The following ASTN2 variants were observed in gnomAD, a reference collection of about 807,000 sequenced individuals.
The protein encoded by ASTN2 is astrotactin-2.
Under a neutral mutation model 139.8 loss-of-function variants are expected in ASTN2, and 54 were observed. The observed-to-expected ratio is 0.39, with a 90% CI of 0.31 to 0.48. The LOEUF (loss-of-function observed/expected upper bound fraction) is 0.48, where lower values mean the gene tolerates loss of function less well. Among genes scored for constraint, ASTN2 ranks in the 20% least tolerant of loss-of-function variants. The probability of loss-of-function intolerance (pLI) is 0.95; values close to 1 mark genes in which losing one functional copy is unlikely to be tolerated. For synonymous variants in ASTN2, 756 were observed against 719.5 expected (o/e 1.05, Z -0.81); for missense variants, 1,565 against 1,725.1 (o/e 0.91, Z 1.64).
chr9:116,932,760 C>G (rs1834938704), intron 10 of ASTN2, among the ~76,000 whole-genome samples: 1 of 152,012 alleles, frequency 6.6e-6, no homozygotes, highest in African/African-American at 2.4e-5. Flanking sequence ...ACTTCCAGCA[C>G]TTTGAGAGGC....
intron 5 of ASTN2, among the ~76,000 whole-genome samples, chr9:117,086,964 G>A (rs897859471): frequency 6.6e-6 from 1 of 152,138 alleles, no homozygotes; most frequent in Non-Finnish European, 1.5e-5. Flanking sequence ...CTTAGAGGCT[G>A]ATAGAATACT....
chr9:116,490,732 T>C (rs1849494504), intron 19 of ASTN2, among the ~76,000 whole-genome samples: 1 of 152,092 alleles, frequency 6.6e-6, no homozygotes, highest in Non-Finnish European at 1.5e-5. Context: ...AGAGCTCACT[T>C]ACTATCACGA....
In ASTN2 at chr9:116,725,783, G is replaced by A. The variant is rs763543905; in HGVS notation, c.2794C>T (p.Gln932Ter). 1 of 1,613,376 alleles carries A rather than the reference G, an allele frequency of 6.2e-7. No homozygotes were observed. The highest frequency in any genetic ancestry group is 8.5e-7 in the Non-Finnish European group (1 of 1,179,928). The change falls in exon 16 of 23, where the codon CAG becomes TAG. Residue 932 changes from glutamine (Q) to a stop codon, truncating the protein, a stop_gained. Coordinates refer to ENST00000313400, the MANE Select transcript of ASTN2 (RefSeq NM_001365068.1). LOFTEE classifies it high-confidence loss of function. ...SKKVQQQLWL[Q>*]YQKETTELGS... The stretch of plus-strand genomic sequence containing the variant: ...ACTCCGGGCTTACCTTTCTGATACT[G>A]GAGCCACAGCTGCTGCTGGACCTTC...
intron 6 of ASTN2, among the ~76,000 whole-genome samples, chr9:117,031,292 C>T (rs925826388): frequency 3.9e-5 from 6 of 152,144 alleles, no homozygotes; most frequent in East Asian, 1.9e-4. Context: ...TCGGTCCTCC[C>T]TTACTTCGTT....
intron 19 of ASTN2, among the ~76,000 whole-genome samples, chr9:116,524,774 C>G (rs746977259): frequency 8.5e-5 from 13 of 152,184 alleles, no homozygotes; most frequent in Non-Finnish European, 1.6e-4. Flanking sequence ...CATTCCTTCT[C>G]AGGGTTACAT....
At chr9:116,855,805 A>G (rs1336283083) in intron 11 of ASTN2, among the ~76,000 whole-genome samples, 1 of 152,170 alleles carries the variant, frequency 6.6e-6, no homozygotes, top group Non-Finnish European at 1.5e-5. Flanking sequence ...TGGGAGTAAT[A>G]ATAATGCTTT....
At chr9:116,766,511 A>G (rs2132176588) in intron 13 of ASTN2, among the ~76,000 whole-genome samples, 1 of 152,020 alleles carries the variant, frequency 6.6e-6, no homozygotes, top group East Asian at 1.9e-4. Context: ...ACAGTAACAT[A>G]CACATAAATG....
At chr9:117,019,942 T>C (rs1274249176) in intron 6 of ASTN2, among the ~76,000 whole-genome samples, 6 of 151,630 alleles carry the variant, frequency 4.0e-5, no homozygotes, top group Non-Finnish European at 5.9e-5. Flanking sequence ...TGCCCGAAAA[T>C]AGATAAAGTA....
chr9:116,795,965 G>A (rs529789546), intron 13 of ASTN2, among the ~76,000 whole-genome samples: 14 of 152,320 alleles, frequency 9.2e-5, no homozygotes, highest in African/African-American at 2.2e-4. Context: ...TTTGGACCCT[G>A]TTAGTTTTTA....
At chr9:116,893,371 T>A (rs1041343357) in intron 10 of ASTN2, among the ~76,000 whole-genome samples, 1 of 152,196 alleles carries the variant, frequency 6.6e-6, no homozygotes, top group Admixed American at 6.5e-5. Context: ...TTGGAAGTTT[T>A]TCTCCATTAT....
chr9:117,373,068 T>C (rs1186139560), intron 1 of ASTN2, among the ~76,000 whole-genome samples: 18 of 152,186 alleles, frequency 1.2e-4, no homozygotes, highest in Admixed American at 1.2e-3. Context: ...GCAAGGTTCA[T>C]TGCTGTCATT....
chr9:116,611,453 C>G (rs1488482390), intron 19 of ASTN2: 1 of 151,716 alleles, frequency 6.6e-6, no homozygotes, highest in Non-Finnish European at 1.5e-5. Context: ...TAAGCAAAAA[C>G]AGATAAAACC....
At chr9:116,773,085 AT>A (rs11464715) in intron 13 of ASTN2, among the ~76,000 whole-genome samples, 66 of 143,538 alleles carry the variant, frequency 4.6e-4, no homozygotes, top group East Asian at 3.1e-3. Context: ...CCTCCATCCT[AT>A]TTTTTTTTTT....
At chr9:116,920,174 G>C (rs1834562569) in intron 10 of ASTN2, among the ~76,000 whole-genome samples, 1 of 152,170 alleles carries the variant, frequency 6.6e-6, no homozygotes, top group South Asian at 2.1e-4. Context: ...GACAGCAGCA[G>C]TTTCCCTGGA....
chr9:116,896,943 G>T (rs1833894097), intron 10 of ASTN2, among the ~76,000 whole-genome samples: 1 of 152,074 alleles, frequency 6.6e-6, no homozygotes, highest in Admixed American at 6.5e-5. Flanking sequence ...GTTAATGAGG[G>T]GGCTACCAGG....
At chr9:117,081,712 T>C (rs1394007612) in intron 5 of ASTN2, among the ~76,000 whole-genome samples, 4 of 152,184 alleles carry the variant, frequency 2.6e-5, no homozygotes, top group Admixed American at 1.3e-4. Flanking sequence ...GGAGTCAAAG[T>C]GTGATGATCT....
chr9:116,565,419 A>ATT (rs1370150821), intron 19 of ASTN2, among the ~76,000 whole-genome samples: 995 of 86,830 alleles, frequency 0.011, 7 homozygotes, highest in African/African-American at 0.013. Flanking sequence ...ATATATATAT[A>ATT]TATATATATA....
intron 19 of ASTN2, among the ~76,000 whole-genome samples, chr9:116,560,629 T>A: frequency 6.6e-6 from 1 of 152,344 alleles, no homozygotes; most frequent in East Asian, 1.9e-4. Flanking sequence ...TTCATTAGTT[T>A]TATAATTCAA....
intron 3 of ASTN2, chr9:117,197,408 T>A (rs1421928693): frequency 6.6e-6 from 1 of 152,222 alleles, no homozygotes; most frequent in Non-Finnish European, 1.5e-5. Context: ...TGGTATGTTC[T>A]TAGCATGTGA....
Sources: gnomAD v4.1 joint callset for allele counts (sites outside exome capture counted in the v4.1 genomes callset) on GRCh38, gnomAD v4.1.1 for gene constraint, MANE v1.5 for transcripts, NCBI Gene and HGNC (gene_info 2026-07-23, HGNC 2026-07-21) for gene names.